The following TM9SF4 variants were observed in gnomAD, a reference collection of about 807,000 sequenced individuals.
TM9SF4 encodes dinucleotide oxidase disulfide thiol exchanger 3 superfamily member 4.
In TM9SF4, 26 loss-of-function variants were observed where a neutral mutation model predicts 90.4. The observed-to-expected ratio is 0.29, with a 90% CI of 0.21 to 0.40. The LOEUF is 0.40. Among genes scored for constraint, TM9SF4 ranks in the 10% least tolerant of loss-of-function variants. The pLI, the probability that TM9SF4 is intolerant of heterozygous loss-of-function variation, is 1.00. For missense variants in TM9SF4, 549 were observed against 834.8 expected, an observed-to-expected ratio of 0.66 and a Z score of 4.22; for synonymous variants, 293 against 315.4, an observed-to-expected ratio of 0.93 and a Z score of 0.75.
chr20:32,116,856 C>CTTTT (rs1378348478), intron 1 of TM9SF4, among the ~76,000 whole-genome samples: 2 of 99,978 alleles, frequency 2.0e-5, no homozygotes, highest in Admixed American at 1.1e-4. Flanking sequence ...CTCCTTTTTC[C>CTTTT]TTTTTCTTTT....
intron 8 of TM9SF4, among the ~76,000 whole-genome samples, 168 bp downstream of exon 8, chr20:32,145,591 A>G (rs2046752567): frequency 6.6e-6 from 1 of 152,152 alleles, no homozygotes; most frequent in Admixed American, 6.5e-5. Context: ...AACAAGACTC[A>G]TCTCTAGAGA....
intron 3 of TM9SF4, among the ~76,000 whole-genome samples, chr20:32,139,406 C>T (rs2046639072): frequency 6.6e-6 from 1 of 152,214 alleles, no homozygotes; most frequent in African/African-American, 2.4e-5. Context: ...CACCATCCCT[C>T]ACTCATGCCT....
chr20:32,145,875 A>G (rs1005517967), intron 8 of TM9SF4, among the ~76,000 whole-genome samples: 1 of 152,218 alleles, frequency 6.6e-6, no homozygotes, highest in Non-Finnish European at 1.5e-5. Flanking sequence ...CAAATACACA[A>G]TAGCTGAGGA....
intron 12 of TM9SF4, among the ~76,000 whole-genome samples, chr20:32,154,455 CT>C (rs538452870): frequency 2.0e-5 from 3 of 151,346 alleles, no homozygotes; most frequent in Non-Finnish European, 2.9e-5. Flanking sequence ...TTAACGTGTT[CT>C]TTTTTTCTTT....
At chr20:32,116,793 C>T (rs1264739424) in intron 1 of TM9SF4, among the ~76,000 whole-genome samples, 6 of 142,776 alleles carry the variant, frequency 4.2e-5, no homozygotes, top group African/African-American at 1.3e-4. Context: ...TAATTGACTT[C>T]AGTTAACTGT....
intron 3 of TM9SF4, 39 bp from the exon 4 acceptor site, chr20:32,141,458 G>A: frequency 6.2e-7 from 1 of 1,607,894 alleles, no homozygotes; most frequent in Non-Finnish European, 8.5e-7. Flanking sequence ...GCAACCTCAG[G>A]GCTGAAGCTC....
chr20:32,122,168 A>C (rs1348074339), intron 1 of TM9SF4, among the ~76,000 whole-genome samples: 2 of 110,922 alleles, frequency 1.8e-5, no homozygotes, highest in African/African-American at 3.6e-5. Flanking sequence ...TGACCCCCCC[A>C]CCTCCCTCCC....
At position 32,163,261 on chromosome 20, in the gene TM9SF4, AAAAAAAAATATAT is replaced by A. The variant is rs1482386604; in HGVS notation, c.1779+1898_1779+1910del. ...ACTCCATCTCAAAAAAAAAAAAAAAAAAAAAAAATATATATATATATATATATATATATATGTA... is the reference window on the plus strand; with the variant it reads ...ACTCCATCTCAAAAAAAAAAAAAAAAATATATATATATATATATATATGTA... On this transcript the variant is annotated intron_variant, in intron 17 of 17. Transcript: ENST00000398022. Among the ~76,000 whole-genome samples, 8 of 74,412 alleles carry A rather than the reference AAAAAAAAATATAT, an allele frequency of 1.1e-4. 1 individual carries two copies. Among genetic ancestry groups the A allele is most frequent in the African/African-American group, 4.3e-4 (8 of 18,704 alleles). The allele number at this position is 74,412 out of a possible 152,430, so 48.8% of individuals were successfully genotyped here. A position where few individuals can be genotyped will look rare whatever the true frequency, so the allele number is the denominator to read the frequency against.
chr20:32,136,943 A>G (rs1420556248), intron 3 of TM9SF4: 4 of 471,178 alleles, frequency 8.5e-6, no homozygotes, highest in South Asian at 3.1e-5. Flanking sequence ...CGTCAGGGCT[A>G]CGCATGGCTC....
At chr20:32,117,736 G>A (rs1256253543) in intron 1 of TM9SF4, among the ~76,000 whole-genome samples, 2 of 150,096 alleles carry the variant, frequency 1.3e-5, no homozygotes, top group African/African-American at 4.9e-5. Context: ...TGCCAGTGAT[G>A]GCGTGTTAGA....
intron 1 of TM9SF4, 56 bp downstream of exon 1, chr20:32,109,811 C>G (rs2046113256): frequency 1.3e-6 from 2 of 1,550,920 alleles, no homozygotes; most frequent in Non-Finnish European, 1.7e-6. Context: ...CGGGGTATCC[C>G]AGGATCTTCC....
intron 13 of TM9SF4, 55 bp from the exon 14 acceptor site, chr20:32,157,739 G>A: frequency 6.3e-7 from 1 of 1,597,974 alleles, no homozygotes; most frequent in East Asian, 2.2e-5. Flanking sequence ...CCCTTGCGCA[G>A]CCCCCATCCC....
chr20:32,148,962 G>A (rs950871698), intron 9 of TM9SF4, among the ~76,000 whole-genome samples: 17 of 152,154 alleles, frequency 1.1e-4, no homozygotes, highest in Admixed American at 1.0e-3. Context: ...GAGCCACCGC[G>A]CCCAGCCAGA....
chr20:32,163,800 A>G (rs1395350846), intron 17 of TM9SF4, among the ~76,000 whole-genome samples: 3 of 151,744 alleles, frequency 2.0e-5, no homozygotes, highest in Non-Finnish European at 4.4e-5. Flanking sequence ...TAGCAGAGAC[A>G]GGGTTTCTCC....
intron 1 of TM9SF4, among the ~76,000 whole-genome samples, chr20:32,127,016 G>A (rs909614954): frequency 6.6e-6 from 1 of 152,176 alleles, no homozygotes; most frequent in Admixed American, 6.5e-5. Context: ...TTACAGGCAC[G>A]AGCCACCGCA....
chr20:32,155,458 A>G (rs556059064), intron 13 of TM9SF4, among the ~76,000 whole-genome samples: 5 of 152,362 alleles, frequency 3.3e-5, no homozygotes, highest in Non-Finnish European at 5.9e-5. Context: ...CCAGCGGCCA[A>G]CTGGGGAATT....
chr20:32,111,779 A>C (rs780649137), intron 1 of TM9SF4, among the ~76,000 whole-genome samples: 2 of 152,200 alleles, frequency 1.3e-5, no homozygotes, highest in Non-Finnish European at 1.5e-5. Context: ...GGAAATGGCA[A>C]GTGTAAGGGG....
In TM9SF4 at chr20:32,149,747, T is replaced by G; in HGVS notation, c.1068T>G (p.Cys356Trp). Residue 356 changes from cysteine to tryptophan, a missense_variant, in exon 10 of 18, where the codon TGT becomes TGG. Physicochemically the swap from Cys to Trp is radical, Grantham distance 215. Transcript: ENST00000398022. ...TGGGCTCAGGCATTCAGCTGTTCTG[T>G]ATGATCCTCATCGTCATCTGTGAGT... ...SLLGSGIQLF[C>W]MILIVIFVAM... The G allele has an allele frequency of 6.2e-7, 1 of 1,614,204 alleles. No individual in the cohort carries two copies. Among genetic ancestry groups the G allele is most frequent in the Non-Finnish European group, 8.5e-7 (1 of 1,180,030 alleles).
chr20:32,155,216 T>TC (rs769274227), intron 13 of TM9SF4, 30 bp downstream of exon 13: 2 of 1,584,582 alleles, frequency 1.3e-6, no homozygotes, highest in Non-Finnish European at 1.7e-6. Context: ...TTCCAGCCCC[T>TC]CCCCAGCAAG....
Sources: allele counts gnomAD v4.1 joint callset (sites outside exome capture counted in the v4.1 genomes callset), GRCh38; gene constraint gnomAD v4.1.1; transcripts MANE v1.5; gene names NCBI Gene and HGNC (gene_info 2026-07-23, HGNC 2026-07-21).